The following SGSM1 variants were observed in gnomAD, a reference collection of about 807,000 sequenced individuals.
SGSM1 encodes the protein RUN and TBC1 domain containing 2.
Under a neutral mutation model 133.8 loss-of-function variants are expected in SGSM1, and 73 were observed. The ratio of observed to expected loss-of-function variants is 0.55; its 90% confidence interval spans 0.45 to 0.66. The LOEUF is 0.66. Ranked by LOEUF, SGSM1 falls within the 30% of genes least tolerant of loss-of-function variation. The probability of loss-of-function intolerance (pLI) is 0.00; values close to 1 mark genes in which losing one functional copy is unlikely to be tolerated. For synonymous variants in SGSM1, 563 were observed against 573.0 expected, an observed-to-expected ratio of 0.98 and a Z score of 0.25; for missense variants, 1,213 against 1,448.1, an observed-to-expected ratio of 0.84 and a Z score of 2.64.
At chr22:24,890,881 C>T (rs913543129) in intron 16 of SGSM1, among the ~76,000 whole-genome samples, 4 of 152,194 alleles carry the variant, frequency 2.6e-5, no homozygotes, top group Non-Finnish European at 5.9e-5. Flanking sequence ...ATTCGTGTAT[C>T]ACTTGTACTA....
Position 24,895,239 on chromosome 22 carries a change from G to C in SGSM1, c.1970G>C (p.Ser657Thr). ...TTTTCTCAGTCCTCCCAGAGCTGCAGTTCGGGCCGCCAGAACATCCGCCTG... is the reference window on the plus strand; with the variant it reads ...TTTTCTCAGTCCTCCCAGAGCTGCACTTCGGGCCGCCAGAACATCCGCCTG... ...TISNESSQSCSSGRQNIRLHS... is the reference protein window; with the variant it reads ...TISNESSQSCTSGRQNIRLHS... The change falls in exon 18 of 25, where the codon AGT (serine) becomes ACT (threonine). Residue 657 changes from serine to threonine, a missense_variant. Transcript: ENST00000400358. 1 of 1,611,428 alleles carries C rather than the reference G, an allele frequency of 6.2e-7. No individual in the cohort carries two copies. Among genetic ancestry groups the C allele is most frequent in the Non-Finnish European group, 8.5e-7 (1 of 1,179,048 alleles).
At chr22:24,833,206 A>G (rs1222103389) in intron 2 of SGSM1, among the ~76,000 whole-genome samples, 1 of 150,116 alleles carries the variant, frequency 6.7e-6, no homozygotes, top group Non-Finnish European at 1.5e-5. Context: ...AAGTGCTGGG[A>G]TTACAGGAGT....
intron 2 of SGSM1, among the ~76,000 whole-genome samples, chr22:24,823,601 A>AAAAAT (rs1433728438): frequency 2.5e-4 from 37 of 150,206 alleles, no homozygotes; most frequent in East Asian, 9.9e-4. Flanking sequence ...ACTCCATCTC[A>AAAAAT]AAAATAAAAT....
At chr22:24,916,652 C>G (rs1479848211) in intron 22 of SGSM1, among the ~76,000 whole-genome samples, 2 of 151,910 alleles carry the variant, frequency 1.3e-5, no homozygotes, top group African/African-American at 4.8e-5. Flanking sequence ...GAGCTGAAAT[C>G]GCACCACTGC....
chr22:24,848,551 G>A (rs1040496293), intron 4 of SGSM1, among the ~76,000 whole-genome samples: 6 of 152,174 alleles, frequency 3.9e-5, no homozygotes, highest in African/African-American at 1.4e-4. Flanking sequence ...AGCACCTTCA[G>A]CCAGAGCCAC....
At chr22:24,916,709 A>T (rs986398315) in intron 22 of SGSM1, among the ~76,000 whole-genome samples, 8 of 151,812 alleles carry the variant, frequency 5.3e-5, no homozygotes, top group East Asian at 1.9e-4. Context: ...AAAAAAAAAA[A>T]TTTGTTTTTA....
intron 13 of SGSM1, among the ~76,000 whole-genome samples, chr22:24,877,541 C>T (rs1041203540): frequency 1.3e-5 from 2 of 152,058 alleles, no homozygotes; most frequent in Non-Finnish European, 2.9e-5. Flanking sequence ...ACCCTTTTGT[C>T]CTTGCGGGGC....
At chr22:24,901,437 A>G (rs139736) in intron 19 of SGSM1, among the ~76,000 whole-genome samples, 83,583 of 151,922 alleles carry the variant, frequency 0.55, 25,289 homozygotes, top group East Asian at 0.81. Context: ...CACCTTTCTG[A>G]GTTAGTTTTT....
At chr22:24,829,991 C>T (rs1334249125) in intron 2 of SGSM1, among the ~76,000 whole-genome samples, 1 of 152,184 alleles carries the variant, frequency 6.6e-6, no homozygotes, top group African/African-American at 2.4e-5. Flanking sequence ...GCTCTTCCTT[C>T]CAGGGCTGCC....
intron 21 of SGSM1, among the ~76,000 whole-genome samples, chr22:24,906,458 C>T (rs12330017): frequency 1.6e-3 from 242 of 152,296 alleles, no homozygotes; most frequent in African/African-American, 5.6e-3. Context: ...TCTTTGTTCA[C>T]AGATGATGTG....
chr22:24,904,424 CA>C (rs1355577471), intron 20 of SGSM1, among the ~76,000 whole-genome samples: 9 of 151,672 alleles, frequency 5.9e-5, no homozygotes, highest in Admixed American at 2.0e-4. Context: ...ACTAAAAATA[CA>C]AAAAATTAGC....
intron 2 of SGSM1, among the ~76,000 whole-genome samples, chr22:24,837,388 C>T (rs1470465488): frequency 6.6e-6 from 1 of 152,184 alleles, no homozygotes; most frequent in Non-Finnish European, 1.5e-5. Flanking sequence ...TTTACTACTG[C>T]TATCTAGAAG....
Position 24,850,310 on chromosome 22 carries a change from T to G in SGSM1, c.333T>G (p.Asn111Lys). The change falls in exon 5 of 25, where the codon AAT (asparagine) becomes AAG (lysine). Residue 111 changes from asparagine (N) to lysine (K), a missense_variant. By Grantham distance (94) the Asn-to-Lys change is moderately conservative (BLOSUM62 0). Transcript: ENST00000400358. ...ACCAGATTCAAGGCCTCCAGGAGAA[T>G]GTGCGGAAGCTGCCGAAGCTGCCCA... ...ARNQIQGLQE[N>K]VRKLPKLPNL... is the part of the protein sequence containing the mutation. The G allele has an allele frequency of 2.5e-6, 4 of 1,610,198 alleles. No individual in the cohort carries two copies. Among genetic ancestry groups the G allele is most frequent in the Non-Finnish European group, 1.7e-6 (2 of 1,178,220 alleles).
chr22:24,809,203 C>T (rs1490525674), intron 2 of SGSM1, among the ~76,000 whole-genome samples: 2 of 152,212 alleles, frequency 1.3e-5, no homozygotes, highest in Non-Finnish European at 2.9e-5. Context: ...GCATCTCTCT[C>T]AGTGTCAGAG....
chr22:24,920,246 C>T (rs1264658518), intron 24 of SGSM1, among the ~76,000 whole-genome samples: 2 of 152,168 alleles, frequency 1.3e-5, no homozygotes, highest in Non-Finnish European at 2.9e-5. Flanking sequence ...CTGGTTCTAT[C>T]GCTGACCAGC....
chr22:24,835,685 G>A (rs767607663), intron 2 of SGSM1, among the ~76,000 whole-genome samples: 2 of 152,036 alleles, frequency 1.3e-5, no homozygotes, highest in Admixed American at 1.3e-4. Flanking sequence ...AATTGCAGAG[G>A]ACATGAGATG....
At chr22:24,871,997 TA>T (rs1365161266) in intron 12 of SGSM1, among the ~76,000 whole-genome samples, 3 of 152,208 alleles carry the variant, frequency 2.0e-5, no homozygotes, top group African/African-American at 7.2e-5. Flanking sequence ...TTTTTGTAAA[TA>T]AAGTTTTATT....
At chr22:24,868,648 C>T in intron 11 of SGSM1, 75 bp from the exon 12 acceptor site, 1 of 1,609,250 alleles carries the variant, frequency 6.2e-7, no homozygotes. Context: ...GCGCTCTCCA[C>T]TGATACCCTC....
intron 3 of SGSM1, among the ~76,000 whole-genome samples, chr22:24,845,945 C>CTTTTCTTTTCT (rs139930200): frequency 1.0e-3 from 34 of 32,648 alleles, no homozygotes; most frequent in African/African-American, 2.7e-3. Flanking sequence ...CTTTTCTTTT[C>CTTTTCTTTTCT]TTTCTTTCTT....
Sources: gnomAD v4.1 joint callset for allele counts (sites outside exome capture counted in the v4.1 genomes callset) on GRCh38, gnomAD v4.1.1 for gene constraint, MANE v1.5 for transcripts, NCBI Gene and HGNC (gene_info 2026-07-23, HGNC 2026-07-21) for gene names.